Variants in CFAP54 observed in about 807,000 individuals in gnomAD.
CFAP54 encodes the protein cilia and flagella associated protein 54, also known as cilia- and flagella-associated protein 54.
CFAP54 carries 290 observed loss-of-function variants against 370.4 expected under a neutral mutation model. The observed-to-expected ratio is 0.78, with a 90% CI of 0.71 to 0.86. The LOEUF is 0.86. Among genes scored for constraint, CFAP54 ranks in the 40% least tolerant of loss-of-function variants. The probability of loss-of-function intolerance (pLI) is 0.00; values close to 1 mark genes in which losing one functional copy is unlikely to be tolerated. For missense variants in CFAP54, 3,399 were observed against 3,528.7 expected (o/e 0.96, Z 0.93); for synonymous variants, 1,206 against 1,236.5 (o/e 0.98, Z 0.52).
At chr12:96,757,095 C>CT (rs1224547974) in intron 57 of CFAP54, among the ~76,000 whole-genome samples, 1 of 152,156 alleles carries the variant, frequency 6.6e-6, no homozygotes, top group African/African-American at 2.4e-5. Flanking sequence ...TTGCATAACT[C>CT]TATGTATTTC....
chr12:96,514,075 T>A (rs1352512484), intron 5 of CFAP54, among the ~76,000 whole-genome samples: 2 of 152,216 alleles, frequency 1.3e-5, no homozygotes, highest in African/African-American at 4.8e-5. Context: ...CTGTATTAGT[T>A]TTCCAGTTAT....
chr12:96,764,528 A>G (rs1384147351), intron 59 of CFAP54, among the ~76,000 whole-genome samples: 5 of 152,082 alleles, frequency 3.3e-5, no homozygotes, highest in African/African-American at 1.2e-4. Context: ...GGCTGAGGCA[A>G]AAGGATTGCT....
intron 1 of CFAP54, among the ~76,000 whole-genome samples, chr12:96,494,681 C>T (rs1954928381): frequency 6.6e-6 from 1 of 152,052 alleles, no homozygotes; most frequent in South Asian, 2.1e-4. Context: ...GTTAGGAGTA[C>T]AGGAGGTAGG....
chr12:96,504,728 G>T (rs1319057478), intron 3 of CFAP54, among the ~76,000 whole-genome samples: 1 of 152,154 alleles, frequency 6.6e-6, no homozygotes, highest in Non-Finnish European at 1.5e-5. Flanking sequence ...CCCGTATGTG[G>T]TTAATAAGCA....
At chr12:96,701,437 A>AG (rs1592715459) in intron 46 of CFAP54, among the ~76,000 whole-genome samples, 1 of 152,214 alleles carries the variant, frequency 6.6e-6, no homozygotes, top group Admixed American at 6.5e-5. Flanking sequence ...GAAAGACAGC[A>AG]GGGGGGCTCC....
chr12:96,591,845 C>T (rs1250595208), intron 23 of CFAP54, among the ~76,000 whole-genome samples: 1 of 149,698 alleles, frequency 6.7e-6, no homozygotes, highest in Non-Finnish European at 1.5e-5. Flanking sequence ...GAGTCGAGAT[C>T]GCGCCACTGC....
intron 40 of CFAP54, among the ~76,000 whole-genome samples, chr12:96,681,113 A>C (rs1347646131): frequency 3.4e-4 from 47 of 137,484 alleles, no homozygotes; most frequent in East Asian, 1.8e-3. Flanking sequence ...ACAGAAAAGC[A>C]CCCCCCCACA....
chr12:96,614,758 C>T (rs1244475669), intron 26 of CFAP54, among the ~76,000 whole-genome samples: 1 of 152,164 alleles, frequency 6.6e-6, no homozygotes, highest in Non-Finnish European at 1.5e-5. Context: ...CTCCCATTCA[C>T]AATTGCTTCA....
chr12:96,775,874 A>G (rs779937877), intron 60 of CFAP54, among the ~76,000 whole-genome samples: 8 of 152,102 alleles, frequency 5.3e-5, no homozygotes, highest in Non-Finnish European at 7.4e-5. Context: ...ACATTTTTGC[A>G]TGTTTTTATT....
intron 32 of CFAP54, among the ~76,000 whole-genome samples, chr12:96,636,854 C>G (rs528385646): frequency 4.0e-5 from 6 of 151,836 alleles, no homozygotes; most frequent in Non-Finnish European, 7.4e-5. Context: ...CTCAGGAGTC[C>G]GAGGAAAAAC....
intron 19 of CFAP54, among the ~76,000 whole-genome samples, chr12:96,571,459 T>G (rs1392001172): frequency 6.6e-6 from 1 of 152,184 alleles, no homozygotes; most frequent in African/African-American, 2.4e-5. Flanking sequence ...CTTATTTCTT[T>G]TTTCAAAGTT....
chr12:96,675,547 A>G (rs1397531773), intron 39 of CFAP54, among the ~76,000 whole-genome samples: 13 of 152,234 alleles, frequency 8.5e-5, no homozygotes, highest in Admixed American at 8.5e-4. Flanking sequence ...TTAGGGATCT[A>G]GAACTAGAAA....
rs1291289681 is a variant in CFAP54 at position 96,630,670 on chromosome 12, A to G, written c.4316+19A>G. On this transcript the variant is annotated intron_variant, in intron 32 of 67. Transcript: ENST00000524981. ...ATGAAAGGTATTCACTAATTAATTA[A>G]TTCAATAAAAGTTTACTTGAGGGTA... The G allele has an allele frequency of 7.1e-6, 10 of 1,408,906 alleles. No homozygotes were observed. The highest frequency in any genetic ancestry group is 9.4e-6 in the Non-Finnish European group (10 of 1,064,726). The allele number at this position is 1,408,906 out of a possible 1,614,324, so 87.3% of individuals were successfully genotyped here. A position where few individuals can be genotyped will look rare whatever the true frequency, so the allele number is the denominator to read the frequency against.
At chr12:96,800,488 A>G (rs1474646619) in intron 63 of CFAP54, among the ~76,000 whole-genome samples, 2 of 152,176 alleles carry the variant, frequency 1.3e-5, no homozygotes, top group Non-Finnish European at 2.9e-5. Flanking sequence ...ATAAGCATGT[A>G]TGTATTGGGT....
At chr12:96,726,436 C>A (rs1391023487) in intron 50 of CFAP54, among the ~76,000 whole-genome samples, 2 of 152,194 alleles carry the variant, frequency 1.3e-5, no homozygotes, top group African/African-American at 2.4e-5. Flanking sequence ...TTATCCATTT[C>A]TTCTAGATTT....
At chr12:96,556,958 C>A (rs1955759448) in intron 17 of CFAP54, among the ~76,000 whole-genome samples, 1 of 152,074 alleles carries the variant, frequency 6.6e-6, no homozygotes, top group African/African-American at 2.4e-5. Flanking sequence ...TGGTACTAGG[C>A]TTCATACCTG....
chr12:96,661,036 A>G (rs1401420099), intron 38 of CFAP54, among the ~76,000 whole-genome samples: 1 of 151,854 alleles, frequency 6.6e-6, no homozygotes, highest in East Asian at 1.9e-4. Flanking sequence ...GAACCTCCAC[A>G]TGTTCAGAAG....
rs35020483 is a variant in CFAP54 at position 96,868,430 on chromosome 12, C to CTT, written c.*15-6674_*15-6673dup. ...CTCAATTTTTTACTTGTATGTTCAT[C>CTT]TTTTTTTTTTTTTTTGAGATTTCCA... On this transcript the variant is annotated intron_variant, in intron 67 of 67. Transcript: ENST00000524981. 2.6e-3 allele frequency among the ~76,000 whole-genome samples: 364 copies of CTT among 138,176 alleles called. 2 individuals carry two copies. The highest frequency in any genetic ancestry group is 3.8e-3 in the Non-Finnish European group (244 of 64,590). The allele number at this position is 138,176 out of a possible 152,430, so 90.6% of individuals were successfully genotyped here. A position where few individuals can be genotyped will look rare whatever the true frequency, so the allele number is the denominator to read the frequency against.
chr12:96,784,742 T>C lies in CFAP54; in HGVS notation c.8307T>C (p.Thr2769=), dbSNP rs1368599346. The change falls in exon 61 of 68, where the codon ACT becomes ACC. Residue 2769 remains threonine, a synonymous_variant. Coordinates refer to ENST00000524981, the MANE Select transcript of CFAP54 (RefSeq NM_001306084.2). The part of the protein sequence containing the change: ...LLDNYQVLFQ[T]SCTFLYQNDD... The stretch of plus-strand genomic sequence containing the variant: ...ACAACTACCAAGTCCTCTTCCAGAC[T>C]TCCTGTACATTTTTGTACCAAAATG... 6.5e-7 allele frequency: 1 copy of C among 1,528,338 alleles called. No homozygotes were observed. The highest frequency in any genetic ancestry group is 1.4e-5 in the African/African-American group (1 of 72,706). The allele number at this position is 1,528,338 out of a possible 1,614,324, so 94.7% of individuals were successfully genotyped here.
Sources: gnomAD v4.1 joint callset for allele counts (sites outside exome capture counted in the v4.1 genomes callset) on GRCh38, gnomAD v4.1.1 for gene constraint, MANE v1.5 for transcripts, NCBI Gene and HGNC (gene_info 2026-07-23, HGNC 2026-07-21) for gene names.